Variants in ABCA5 observed in about 807,000 individuals in gnomAD.
The protein encoded by ABCA5 is ATP binding cassette subfamily A member 5.
A neutral mutation model predicts 206.0 loss-of-function variants in ABCA5; 163 were observed. The ratio of observed to expected loss-of-function variants is 0.79; its 90% confidence interval spans 0.70 to 0.90. The LOEUF is 0.90. Among genes scored for constraint, ABCA5 ranks in the 40% least tolerant of loss-of-function variants. ABCA5 has a pLI of 0.00. For synonymous variants in ABCA5, 609 were observed against 613.8 expected (o/e 0.99, Z 0.11); for missense variants, 1,859 against 1,912.9 (o/e 0.97, Z 0.53).
intron 28 of ABCA5, 52 bp downstream of exon 28, chr17:69,259,654 C>A: frequency 8.1e-7 from 1 of 1,231,234 alleles, no homozygotes; most frequent in Admixed American, 2.0e-5. Flanking sequence ...AATGGTTACA[C>A]AGTTCTGTAA....
At chr17:69,299,471 T>C (rs2441359) in intron 9 of ABCA5, among the ~76,000 whole-genome samples, 1,721 of 142,412 alleles carry the variant, frequency 0.012, 17 homozygotes, top group Non-Finnish European at 0.015. Flanking sequence ...CACACACACA[T>C]ACACACACAC....
rs777156436 is a variant in ABCA5 at position 69,277,813 on chromosome 17, C to G, written c.2422G>C (p.Glu808Gln). 2.5e-6 allele frequency: 4 copies of G among 1,573,956 alleles called. No homozygotes were observed. The highest frequency in any genetic ancestry group is 3.4e-6 in the Non-Finnish European group (4 of 1,163,858). Residue 808 changes from glutamate to glutamine, a missense_variant, in exon 19 of 39, where the codon GAG (glutamate) becomes CAG (glutamine). Glu to Gln is a conservative substitution (Grantham distance 29, BLOSUM62 2). Transcript: ENST00000392676. Reference sequence around the variant, plus strand: ...AAAGATTTTGAATCCATTTCTTCCTCCAGTGGCTGCTGAGTAAATACACTA... The same window carrying G: ...AAAGATTTTGAATCCATTTCTTCCTGCAGTGGCTGCTGAGTAAATACACTA... ...DYSVFTQQPL[E>Q]EEMDSKSFDE...
intron 26 of ABCA5, among the ~76,000 whole-genome samples, chr17:69,260,636 G>C (rs1374399952): frequency 1.3e-5 from 2 of 151,804 alleles, no homozygotes; most frequent in African/African-American, 4.8e-5. Context: ...GGGAAGCAGG[G>C]GTAGTAGGAT....
intron 1 of ABCA5, among the ~76,000 whole-genome samples, chr17:69,316,033 T>C (rs541280217): frequency 6.6e-6 from 1 of 152,008 alleles, no homozygotes; most frequent in East Asian, 1.9e-4. Context: ...AAATGGAAAC[T>C]TTAGAACAGA....
At chr17:69,308,154 G>A in intron 5 of ABCA5, 126 bp downstream of exon 5, 1 of 427,140 alleles carries the variant, frequency 2.3e-6, no homozygotes. Flanking sequence ...TTTTCTCAAA[G>A]GAGTTGTAGT....
chr17:69,303,243 G>A lies in ABCA5; in HGVS notation c.931-337C>T, dbSNP rs969720473. Among the ~76,000 whole-genome samples the A allele has an allele frequency of 4.6e-5, 7 of 151,994 alleles. No individual in the cohort carries two copies. The East Asian group carries it at 5.8e-4, about 13-fold the overall frequency. On this transcript the variant is annotated intron_variant, in intron 7 of 38. Coordinates refer to ENST00000392676, the MANE Select transcript of ABCA5 (RefSeq NM_172232.4). ...GGTGATCCTCCCACCTCAGCCTCCC[G>A]TGTAGCTGGGATTACAGGCGTGGGG...
chr17:69,261,290 CAA>C (rs759060636), intron 25 of ABCA5, 31 bp from the exon 26 acceptor site: 17 of 1,570,498 alleles, frequency 1.1e-5, no homozygotes, highest in Non-Finnish European at 1.5e-5. Context: ...ATAAAAGTGA[CAA>C]AGTGTTTAGA....
intron 20 of ABCA5, among the ~76,000 whole-genome samples, chr17:69,271,755 G>A (rs2075276506): frequency 6.6e-6 from 1 of 152,102 alleles, no homozygotes; most frequent in African/African-American, 2.4e-5. Context: ...AAATCTATCT[G>A]ACAATTTTAG....
intron 1 of ABCA5, among the ~76,000 whole-genome samples, chr17:69,323,491 T>C (rs1418746190): frequency 1.3e-5 from 2 of 152,212 alleles, no homozygotes; most frequent in Admixed American, 1.3e-4. Context: ...TCAAATAAAC[T>C]CAATTTTTAA....
chr17:69,301,105 T>C lies in ABCA5; in HGVS notation c.1267+34A>G, dbSNP rs143329329. Reference sequence around the variant, plus strand: ...CTATGTGGGCAAAAAAGCCTAAAAATCTTTAAAGTAAAATTCAAAAACCAT... The same window carrying C: ...CTATGTGGGCAAAAAAGCCTAAAAACCTTTAAAGTAAAATTCAAAAACCAT... On this transcript the variant is annotated intron_variant, in intron 9 of 38. Transcript: ENST00000392676. 2.1e-4 allele frequency: 306 copies of C among 1,488,486 alleles called. 2 individuals carry two copies. The East Asian group carries it at 7.2e-3, about 35-fold the overall frequency. 92.2% of individuals were successfully genotyped at this position (1,488,486 alleles called of 1,614,324 possible).
At chr17:69,248,354 ATCTG>A (rs1261887722) in intron 37 of ABCA5, 37 bp from the exon 38 acceptor site, 1 of 1,324,168 alleles carries the variant, frequency 7.6e-7, no homozygotes, top group Admixed American at 2.0e-5. Flanking sequence ...ACTTATCAAT[ATCTG>A]AAAAAAATGG....
intron 7 of ABCA5, 145 bp from the exon 8 acceptor site, chr17:69,303,051 AT>A: frequency 2.1e-6 from 1 of 479,994 alleles, no homozygotes; most frequent in Non-Finnish European, 3.7e-6. Flanking sequence ...ATGCTATGGT[AT>A]TTTATTTTCA....
Position 69,287,653 on chromosome 17 carries a change from C to G in ABCA5, c.2001G>C (p.Val667=), listed in dbSNP as rs761620949. 4.3e-6 allele frequency: 7 copies of G among 1,613,642 alleles called. No homozygotes were observed. Among genetic ancestry groups the G allele is most frequent in the Non-Finnish European group, 5.9e-6 (7 of 1,179,838 alleles). The change falls in exon 15 of 39, where the codon GTG becomes GTC. Residue 667 remains valine, a synonymous_variant. Transcript: ENST00000392676. ...CTTCATCCATGAAATGAGTACTGAA[C>G]ACTGTCACCCGATTGGCTTTTCTGT... ...LKYRKANRVT[V]FSTHFMDEAD... is the part of the protein sequence containing the mutation.
intron 18 of ABCA5, among the ~76,000 whole-genome samples, chr17:69,283,527 T>C (rs1353158294): frequency 6.6e-6 from 1 of 152,198 alleles, no homozygotes; most frequent in Non-Finnish European, 1.5e-5. Flanking sequence ...ACATGATCTA[T>C]CCCTTTGAGT....
chr17:69,277,120 T>G (rs976799294), intron 19 of ABCA5, among the ~76,000 whole-genome samples: 2 of 152,202 alleles, frequency 1.3e-5, no homozygotes, highest in African/African-American at 4.8e-5. Context: ...ACTTGAGATG[T>G]CATTTTGATC....
At chr17:69,300,820 A>C in intron 9 of ABCA5, among the ~76,000 whole-genome samples, 1 of 152,142 alleles carries the variant, frequency 6.6e-6, no homozygotes, top group East Asian at 1.9e-4. Flanking sequence ...TTACAAGATC[A>C]CTTCATAGTT....
intron 1 of ABCA5, chr17:69,317,953 A>C (rs1411689710): frequency 6.6e-6 from 1 of 152,242 alleles, no homozygotes; most frequent in Non-Finnish European, 1.5e-5. Flanking sequence ...GGGAAATAAC[A>C]ACAACAACAA....
rs369409961 is a variant in ABCA5, at chr17:69,248,320, A to G, written c.4766-3T>C. On this transcript the variant is annotated splice_region_variant and splice_polypyrimidine_tract_variant and intron_variant, in intron 37 of 38. Coordinates refer to ENST00000392676, the MANE Select transcript of ABCA5 (RefSeq NM_172232.4). ...TTCAATGGCAAAAGCATGTTTAGCT[A>G]TTAAAATATAAAAATAGTATTTTAC... The G allele has an allele frequency of 7.2e-6, 11 of 1,534,612 alleles. No homozygotes were observed. In the African/African-American group the frequency reaches 1.1e-4, roughly 15 times the overall value.
chr17:69,275,563 AT>A (rs1319630216), intron 19 of ABCA5, among the ~76,000 whole-genome samples: 5 of 152,350 alleles, frequency 3.3e-5, no homozygotes, highest in Admixed American at 2.0e-4. Flanking sequence ...ATTAAATAAT[AT>A]TTGGAAACAT....
Sources: allele counts gnomAD v4.1 joint callset (sites outside exome capture counted in the v4.1 genomes callset), GRCh38; gene constraint gnomAD v4.1.1; transcripts MANE v1.5; gene names NCBI Gene and HGNC (gene_info 2026-07-23, HGNC 2026-07-21).